ANKIB1: variants seen among roughly 807,000 people sequenced by gnomAD.
The protein encoded by ANKIB1 is ankyrin repeat and IBR domain containing 1.
In ANKIB1, 43 loss-of-function variants were observed where a neutral mutation model predicts 122.1. That is an observed-to-expected ratio of 0.35 (90% confidence interval 0.28 to 0.45). The LOEUF (loss-of-function observed/expected upper bound fraction) is 0.45. Ranked by LOEUF, ANKIB1 falls within the 20% of genes least tolerant of loss-of-function variation. ANKIB1 has a pLI of 1.00. For synonymous variants in ANKIB1, 390 were observed against 442.0 expected (o/e 0.88, Z 1.48); for missense variants, 992 against 1,329.5 (o/e 0.75, Z 3.95).
At chr7:92,269,501 GA>G (rs1801739322) in intron 1 of ANKIB1, among the ~76,000 whole-genome samples, 1 of 152,194 alleles carries the variant, frequency 6.6e-6, no homozygotes, top group African/African-American at 2.4e-5. Context: ...AACAGCATCT[GA>G]ATTTGTGAAG....
chr7:92,311,826 A>G (rs1802696507), intron 3 of ANKIB1, among the ~76,000 whole-genome samples: 1 of 152,064 alleles, frequency 6.6e-6, no homozygotes, highest in Non-Finnish European at 1.5e-5. Flanking sequence ...AGAGAGTTGC[A>G]TTGGTTATCT....
chr7:92,309,942 A>AAAAAAAAAATATAT (rs1335765681), intron 3 of ANKIB1, among the ~76,000 whole-genome samples: 9 of 91,814 alleles, frequency 9.8e-5, no homozygotes, highest in African/African-American at 4.4e-4. Context: ...AAAAAAAAAA[A>AAAAAAAAAATATAT]ATATATATAT....
chr7:92,302,856 G>A (rs1260864411), intron 2 of ANKIB1, among the ~76,000 whole-genome samples: 1 of 152,074 alleles, frequency 6.6e-6, no homozygotes, highest in African/African-American at 2.4e-5. Context: ...AACCCCGTAG[G>A]GCAGGGACTT....
At chr7:92,297,788 C>CT (rs1371543733) in intron 2 of ANKIB1, among the ~76,000 whole-genome samples, 1 of 152,064 alleles carries the variant, frequency 6.6e-6, no homozygotes, top group Non-Finnish European at 1.5e-5. Flanking sequence ...ACATTATATT[C>CT]TATTTGGCTT....
intron 10 of ANKIB1, 117 bp from the exon 11 acceptor site, chr7:92,371,360 A>G: frequency 1.2e-6 from 1 of 868,682 alleles, no homozygotes; most frequent in Non-Finnish European, 1.8e-6. Flanking sequence ...ATCAGAAAAT[A>G]AATATTTTAT....
At chr7:92,349,625 G>A (rs1055420393) in intron 7 of ANKIB1, among the ~76,000 whole-genome samples, 1 of 152,104 alleles carries the variant, frequency 6.6e-6, no homozygotes, top group African/African-American at 2.4e-5. Context: ...TACTTCAAAA[G>A]TTTGTTTCTT....
At chr7:92,369,334 A>T (rs11763580) in intron 10 of ANKIB1, among the ~76,000 whole-genome samples, 14,559 of 152,272 alleles carry the variant, frequency 0.096, 913 homozygotes, top group East Asian at 0.36. Flanking sequence ...GTGTGGAATT[A>T]AAAACCAATG....
rs370207769 is a variant in ANKIB1 at position 92,351,114 on chromosome 7, A to G, written c.1230+20A>G. On this transcript the variant is annotated intron_variant, in intron 8 of 19. Transcript: ENST00000265742. ...ATTAAGGTAAGGTATACTGCCAATT[A>G]TCTGTCCAATTTCCATAATTTTGAT... is the stretch of plus-strand genomic sequence containing the variant. The G allele has an allele frequency of 7.5e-6, 11 of 1,474,712 alleles. No homozygotes were observed. In the African/African-American group the frequency reaches 1.6e-4, roughly 21 times the overall value. 91.4% of individuals were successfully genotyped at this position (1,474,712 alleles called of 1,614,324 possible). A position where few individuals can be genotyped will look rare whatever the true frequency, so the allele number is the denominator to read the frequency against.
rs550824143 is a variant in ANKIB1, at chr7:92,254,335, G to C, written c.-91+7816G>C. Among the ~76,000 whole-genome samples the C allele has an allele frequency of 2.0e-5, 3 of 152,272 alleles. No individual in the cohort carries two copies. The South Asian group carries it at 6.2e-4, about 32-fold the overall frequency. On this transcript the variant is annotated intron_variant, in intron 1 of 19. Coordinates refer to ENST00000265742, the MANE Select transcript of ANKIB1 (RefSeq NM_019004.2). The stretch of plus-strand genomic sequence containing the variant: ...ATTTTGGACATATGGATGGTCTCTA[G>C]TATTCTATTATGAATAATATTGTAA...
At chr7:92,325,036 T>C (rs1283345713) in intron 4 of ANKIB1, among the ~76,000 whole-genome samples, 1 of 152,220 alleles carries the variant, frequency 6.6e-6, no homozygotes, top group African/African-American at 2.4e-5. Context: ...ATTTATGTGA[T>C]GGCTAGGAAG....
chr7:92,394,327 T>C (rs1232160993), intron 17 of ANKIB1, among the ~76,000 whole-genome samples: 2 of 152,174 alleles, frequency 1.3e-5, no homozygotes, highest in Non-Finnish European at 2.9e-5. Context: ...CCATTTGGAG[T>C]ATACTGACTA....
intron 2 of ANKIB1, among the ~76,000 whole-genome samples, chr7:92,301,705 A>G (rs905710266): frequency 2.6e-5 from 4 of 152,206 alleles, no homozygotes; most frequent in Admixed American, 6.5e-5. Context: ...TAACTTTCTT[A>G]TACTTTTACA....
Position 92,351,061 on chromosome 7 carries a change from G to A in ANKIB1, c.1197G>A (p.Glu399=). 6.3e-7 allele frequency: 1 copy of A among 1,586,912 alleles called. No individual in the cohort carries two copies. Among genetic ancestry groups the A allele is most frequent in the East Asian group, 2.3e-5 (1 of 44,206 alleles). Residue 399 remains glutamate (E), a synonymous_variant, in exon 8 of 20, where the codon GAG becomes GAA. Transcript: ENST00000265742. ...TCATAGAAAGTGTAGTTTCAAAGGAGATGGACAAACGATACCTACAGTTTG... is the reference window on the plus strand; with the variant it reads ...TCATAGAAAGTGTAGTTTCAAAGGAAATGGACAAACGATACCTACAGTTTG... ...VDIIESVVSK[E]MDKRYLQFDI...
chr7:92,370,673 G>A (rs182528030), intron 10 of ANKIB1, among the ~76,000 whole-genome samples: 130 of 152,166 alleles, frequency 8.5e-4, no homozygotes, highest in Admixed American at 3.8e-3. Context: ...GGGTACTTCA[G>A]ATGTCCTGAC....
Position 92,352,505 on chromosome 7 carries a change from A to C in ANKIB1, c.1260A>C (p.Lys420Asn), listed in dbSNP as rs747632111. Reference sequence around the variant, plus strand: ...TTGTTGAAAATAATCCTGCCATTAAATGGTGTCCTACTCCAGGCTGTGACA... The same window carrying C: ...TTGTTGAAAATAATCCTGCCATTAACTGGTGTCCTACTCCAGGCTGTGACA... ...KAFVENNPAI[K>N]WCPTPGCDRA... Residue 420 changes from lysine to asparagine, a missense_variant, in exon 9 of 20, where the codon AAA becomes AAC. This residue lies in a region of ANKIB1 where 521 missense variants were observed against 777.7 expected (regional missense o/e 0.67). Transcript: ENST00000265742. The C allele has an allele frequency of 1.2e-5, 19 of 1,613,380 alleles. No individual in the cohort carries two copies. In the African/African-American group the frequency reaches 1.9e-4, roughly 16 times the overall value.
At chr7:92,349,205 G>GATT (rs1212403049) in intron 7 of ANKIB1, among the ~76,000 whole-genome samples, 5 of 152,140 alleles carry the variant, frequency 3.3e-5, no homozygotes, top group Admixed American at 6.5e-5. Flanking sequence ...AGGATTTGAG[G>GATT]ATTAGCCTGG....
At chr7:92,338,901 G>A (rs1803355364) in intron 5 of ANKIB1, among the ~76,000 whole-genome samples, 2 of 65,428 alleles carry the variant, frequency 3.1e-5, no homozygotes, top group Non-Finnish European at 2.6e-5. Flanking sequence ...GACAGAGTGA[G>A]ACTCCATCTC....
At chr7:92,317,042 T>C (rs1802808444) in intron 3 of ANKIB1, among the ~76,000 whole-genome samples, 1 of 152,206 alleles carries the variant, frequency 6.6e-6, no homozygotes, top group African/African-American at 2.4e-5. Context: ...TCTTTAGTTC[T>C]GCAGCAGTCA....
rs766126401 is a variant in ANKIB1, at chr7:92,307,360, A to G, written c.190A>G (p.Thr64Ala). 2 of 1,605,536 alleles carry G rather than the reference A, an allele frequency of 1.2e-6. No homozygotes were observed. Among genetic ancestry groups the G allele is most frequent in the African/African-American group, 2.7e-5 (2 of 74,616 alleles). ...ARHGMNKILG[T>A]FLGRDGNPNK... ...TTTTTCCCTTTCTTTCCATTTTAGG[A>G]CTTTTCTTGGTAGAGATGGAAATCC... Residue 64 changes from threonine (T) to alanine (A), a missense_variant and splice_region_variant, in exon 3 of 20, where the codon ACT becomes GCT. Coordinates refer to ENST00000265742, the MANE Select transcript of ANKIB1 (RefSeq NM_019004.2).
Sources: gnomAD v4.1 joint callset for allele counts (sites outside exome capture counted in the v4.1 genomes callset) on GRCh38, gnomAD v4.1.1 for gene constraint, gnomAD v4.1.1 regional missense constraint, MANE v1.5 for transcripts, NCBI Gene and HGNC (gene_info 2026-07-23, HGNC 2026-07-21) for gene names.